Variants in GALM observed in about 807,000 individuals in gnomAD.
The protein encoded by GALM is aldose 1-epimerase.
GALM carries 43 observed loss-of-function variants against 37.4 expected under a neutral mutation model. The observed-to-expected ratio is 1.15, with a 90% CI of 0.90 to 1.48. The LOEUF (loss-of-function observed/expected upper bound fraction) is 1.48, where lower values mean the gene tolerates loss of function less well. GALM is among the 40% of genes most tolerant of loss of function. The pLI, the probability that GALM is intolerant of heterozygous loss-of-function variation, is 0.00. For synonymous variants in GALM, 199 were observed against 170.6 expected, an observed-to-expected ratio of 1.17 and a Z score of -1.30; for missense variants, 456 against 419.1, an observed-to-expected ratio of 1.09 and a Z score of -0.77.
rs1254663304 is a variant in GALM, at chr2:38,681,456, C to T, written c.522C>T (p.Thr174=). The T allele has an allele frequency of 6.2e-7, 1 of 1,613,980 alleles. No homozygotes were observed. Among genetic ancestry groups the T allele is most frequent in the Non-Finnish European group, 8.5e-7 (1 of 1,179,966 alleles). The part of the protein sequence containing the change: ...QASQATPVNL[T]NHSYFNLAGQ... ...GTCAGGCCACACCAGTCAACCTGAC[C>T]AACCATTCTTACTTCAACCTGGCAG... Residue 174 remains threonine (T), a synonymous_variant, in exon 3 of 7, where the codon ACC becomes ACT. Transcript: ENST00000272252.
intron 4 of GALM, among the ~76,000 whole-genome samples, chr2:38,700,618 A>T (rs1665898589): frequency 6.6e-6 from 1 of 152,062 alleles, no homozygotes; most frequent in African/African-American, 2.4e-5. Context: ...GTGTGTCGTT[A>T]CAGATGAAGT....
intron 4 of GALM, among the ~76,000 whole-genome samples, chr2:38,708,138 AAAAT>A (rs1666078559): frequency 5.3e-5 from 8 of 150,638 alleles, no homozygotes; most frequent in Non-Finnish European, 1.0e-4. Flanking sequence ...AAAATAAAAT[AAAAT>A]AAAATAAAAA....
chr2:38,685,928 G>A (rs573095200), intron 3 of GALM, among the ~76,000 whole-genome samples: 1 of 151,968 alleles, frequency 6.6e-6, no homozygotes, highest in Admixed American at 6.6e-5. Context: ...GGCCAGGCTG[G>A]TCTTGAACTC....
rs114614453 is a variant in GALM, at chr2:38,709,543, C to T, written c.634+19649C>T. The stretch of plus-strand genomic sequence containing the variant: ...AGTCAAGGTAAAATCAGAAAATGCT[C>T]GGTGGAAAGGAAAAAAAAAAAAAAC... On this transcript the variant is annotated intron_variant, in intron 4 of 6. Coordinates refer to ENST00000272252, the MANE Select transcript of GALM (RefSeq NM_138801.3). 3.0e-3 allele frequency among the ~76,000 whole-genome samples: 442 copies of T among 146,026 alleles called. 2 individuals are homozygous for T. Among genetic ancestry groups the T allele is most frequent in the African/African-American group, 0.011 (425 of 39,652 alleles).
chr2:38,729,730 G>A (rs1273065439), intron 5 of GALM, 33 bp downstream of exon 5: 1 of 1,582,988 alleles, frequency 6.3e-7, no homozygotes. Flanking sequence ...AGTCTGTAAG[G>A]AAGAAATGAC....
intron 6 of GALM, among the ~76,000 whole-genome samples, 186 bp downstream of exon 6, chr2:38,732,095 A>T (rs1399979698): frequency 2.6e-5 from 4 of 152,088 alleles, no homozygotes; most frequent in Admixed American, 6.6e-5. Context: ...ATCTCAGCTC[A>T]CTGCAACCTC....
At chr2:38,675,393 G>A (rs976170549) in intron 1 of GALM, among the ~76,000 whole-genome samples, 7 of 151,998 alleles carry the variant, frequency 4.6e-5, no homozygotes, top group East Asian at 3.9e-4. Context: ...GGAAAGGATC[G>A]TATGTAATGA....
At position 38,700,519 on chromosome 2, in the gene GALM, C is replaced by T. The variant is rs191664717; in HGVS notation, c.634+10625C>T. Among the ~76,000 whole-genome samples, 205 of 151,832 alleles carry T rather than the reference C, an allele frequency of 1.4e-3. 1 individual carries two copies. The highest frequency in any genetic ancestry group is 4.8e-3 in the African/African-American group (199 of 41,434). ...TTTTTTTTAATCGTTTTTTACTTGA[C>T]GTCTGTTTCATCTGATACAAGTACA... On this transcript the variant is annotated intron_variant, in intron 4 of 6. Coordinates refer to ENST00000272252, the MANE Select transcript of GALM (RefSeq NM_138801.3).
rs370468657 is a variant in GALM at position 38,675,949 on chromosome 2, T to C, written c.228T>C (p.Ile76=). ...AGCAGCCATACTTTGGAGCAGTTAT[T>C]GGGAGGGTGGCCAACCGAATCGCCA... ...LQKQPYFGAV[I]GRVANRIAKG... Residue 76 remains isoleucine (I), a synonymous_variant, in exon 2 of 7, where the codon ATT becomes ATC. Coordinates refer to ENST00000272252, the MANE Select transcript of GALM (RefSeq NM_138801.3). 3 of 1,613,906 alleles carry C rather than the reference T, an allele frequency of 1.9e-6. No individual in the cohort carries two copies. In the African/African-American group the frequency reaches 4.0e-5, roughly 22 times the overall value.
At chr2:38,675,631 CG>C (rs1558577773) in intron 1 of GALM, among the ~76,000 whole-genome samples, 1 of 145,852 alleles carries the variant, frequency 6.9e-6, no homozygotes, top group African/African-American at 2.5e-5. Flanking sequence ...TGCAGTGGCG[CG>C]GTCTCGGCTC....
Position 38,681,285 on chromosome 2 carries a change from C to G in GALM, c.351C>G (p.Leu117=), listed in dbSNP as rs756730440. 1.9e-6 allele frequency: 3 copies of G among 1,612,976 alleles called. No individual in the cohort carries two copies. Among genetic ancestry groups the G allele is most frequent in the Admixed American group, 1.7e-5 (1 of 60,016 alleles). ...HGGVRGFDKV[L]WTPRVLSNGV... Reference sequence around the variant, plus strand: ...TTGAAAACACTTTTTTCCAGGTGCTCTGGACCCCTCGGGTGCTGTCAAATG... The same window carrying G: ...TTGAAAACACTTTTTTCCAGGTGCTGTGGACCCCTCGGGTGCTGTCAAATG... The change falls in exon 3 of 7, where the codon CTC becomes CTG. Residue 117 remains leucine (L), a synonymous_variant. Transcript: ENST00000272252.
chr2:38,690,842 C>G (rs573095105), intron 4 of GALM, among the ~76,000 whole-genome samples: 55 of 152,276 alleles, frequency 3.6e-4, no homozygotes, highest in African/African-American at 1.3e-3. Context: ...CAGGTAACAG[C>G]AGGCATTAGG....
chr2:38,693,154 C>T (rs1665717754), intron 4 of GALM, among the ~76,000 whole-genome samples: 1 of 152,210 alleles, frequency 6.6e-6, no homozygotes, highest in Admixed American at 6.5e-5. Flanking sequence ...CTGGACTGAA[C>T]CACAAGGCCA....
At chr2:38,710,791 T>C (rs1357624076) in intron 4 of GALM, among the ~76,000 whole-genome samples, 4 of 151,716 alleles carry the variant, frequency 2.6e-5, no homozygotes, top group Admixed American at 6.6e-5. Flanking sequence ...TTCACTCTTA[T>C]TGCCCAGGCT....
At chr2:38,729,143 C>A (rs1666544401) in intron 4 of GALM, among the ~76,000 whole-genome samples, 1 of 151,938 alleles carries the variant, frequency 6.6e-6, no homozygotes, top group Non-Finnish European at 1.5e-5. Context: ...GCCCATACTC[C>A]CATATACTCT....
chr2:38,711,679 T>C (rs1407712554), intron 4 of GALM, among the ~76,000 whole-genome samples: 1 of 104,108 alleles, frequency 9.6e-6, no homozygotes, highest in African/African-American at 3.7e-5. Context: ...TAGCACTGTG[T>C]GTTATCTGTC....
intron 4 of GALM, among the ~76,000 whole-genome samples, chr2:38,703,094 T>TATATA (rs1558588767): frequency 9.9e-4 from 8 of 8,094 alleles, no homozygotes; most frequent in Non-Finnish European, 1.2e-3. Context: ...ATATATATAT[T>TATATA]TTTTTTTTTT....
chr2:38,707,830 G>A (rs1161462471), intron 4 of GALM, among the ~76,000 whole-genome samples: 5 of 151,980 alleles, frequency 3.3e-5, no homozygotes, highest in African/African-American at 4.8e-5. Flanking sequence ...ATTAGCAGCC[G>A]GGTGTGCTGG....
At chr2:38,704,772 T>C (rs1666004757) in intron 4 of GALM, among the ~76,000 whole-genome samples, 1 of 152,078 alleles carries the variant, frequency 6.6e-6, no homozygotes, top group Non-Finnish European at 1.5e-5. Context: ...GTGTTTACCC[T>C]AGAGCTGTTT....
Sources: allele counts gnomAD v4.1 joint callset (sites outside exome capture counted in the v4.1 genomes callset), GRCh38; gene constraint gnomAD v4.1.1; transcripts MANE v1.5; gene names NCBI Gene and HGNC (gene_info 2026-07-23, HGNC 2026-07-21).